TMTC1: variants seen among roughly 807,000 people sequenced by gnomAD.
TMTC1 encodes the protein protein O-mannosyl-transferase TMTC1.
In TMTC1, 73 loss-of-function variants were observed where a neutral mutation model predicts 104.8. That is an observed-to-expected ratio of 0.70 (90% CI 0.58 to 0.85). The LOEUF is 0.85. TMTC1 is among the 40% of genes least tolerant of loss of function. TMTC1 has a pLI of 0.00. For missense variants in TMTC1, 1,035 were observed against 1,096.1 expected (o/e 0.94, Z 0.79); for synonymous variants, 434 against 428.7 (o/e 1.01, Z -0.15).
At chr12:29,691,586 C>A (rs1332053987) in intron 5 of TMTC1, among the ~76,000 whole-genome samples, 1 of 143,766 alleles carries the variant, frequency 7.0e-6, no homozygotes, top group Admixed American at 7.2e-5. Context: ...TCAAACTGAC[C>A]ATTACCGGAA....
At chr12:29,524,425 TTC>T (rs2136169746) in intron 11 of TMTC1, among the ~76,000 whole-genome samples, 1 of 152,300 alleles carries the variant, frequency 6.6e-6, no homozygotes, top group South Asian at 2.1e-4. Flanking sequence ...ACAGATTTTT[TTC>T]TGTTTATCCA....
rs997016336 is a variant in TMTC1 at position 29,666,951 on chromosome 12, A to T, written c.939-33615T>A. 3.9e-5 allele frequency among the ~76,000 whole-genome samples: 6 copies of T among 152,348 alleles called. No individual in the cohort carries two copies. In the South Asian group the frequency reaches 1.2e-3, roughly 32 times the overall value. On this transcript the variant is annotated intron_variant, in intron 5 of 17. Transcript: ENST00000539277. ...TAAAGAGTCACATATTCAGATCAAA[A>T]AAATGTTTTGGAATCAGAGCTTTTT...
intron 5 of TMTC1, among the ~76,000 whole-genome samples, chr12:29,673,744 C>CTTTTTTTTTTTTT (rs146463669): frequency 5.2e-5 from 5 of 95,734 alleles, no homozygotes; most frequent in Non-Finnish European, 9.5e-5. Flanking sequence ...AGAGGGACTT[C>CTTTTTTTTTTTTT]TTTTTTTTTT....
intron 17 of TMTC1, among the ~76,000 whole-genome samples, chr12:29,510,632 G>C (rs1304665805): frequency 6.6e-6 from 1 of 152,074 alleles, no homozygotes; most frequent in Non-Finnish European, 1.5e-5. Context: ...TGTAATCGTA[G>C]GTCATCTTTT....
At chr12:29,602,309 G>T (rs76531008) in intron 7 of TMTC1, among the ~76,000 whole-genome samples, 7,164 of 152,036 alleles carry the variant, frequency 0.047, 585 homozygotes, top group African/African-American at 0.16. Context: ...ATCTGGCTAA[G>T]TTTTTGTTAT....
At chr12:29,610,477 T>C (rs114727195) in intron 6 of TMTC1, among the ~76,000 whole-genome samples, 2,930 of 152,344 alleles carry the variant, frequency 0.019, 109 homozygotes, top group African/African-American at 0.067. Context: ...GCTATGACAA[T>C]GATTAAATGC....
chr12:29,756,415 A>G (rs1943217442), intron 3 of TMTC1, among the ~76,000 whole-genome samples: 1 of 152,246 alleles, frequency 6.6e-6, no homozygotes, highest in South Asian at 2.1e-4. Flanking sequence ...GAAGTGTTTT[A>G]TATGCTTCCA....
intron 5 of TMTC1, among the ~76,000 whole-genome samples, chr12:29,743,855 G>T (rs139035317): frequency 0.024 from 3,618 of 152,282 alleles, 60 homozygotes; most frequent in Non-Finnish European, 0.034. Context: ...AAAGGGCAAA[G>T]ATATCAGCAG....
chr12:29,640,160 A>G (rs1029453260), intron 5 of TMTC1, among the ~76,000 whole-genome samples: 3 of 152,102 alleles, frequency 2.0e-5, no homozygotes, highest in Admixed American at 6.5e-5. Context: ...GAGCCAAGCA[A>G]CTCCGACAAG....
rs1945278881 is a variant in TMTC1 at position 29,557,614 on chromosome 12, T to C, written c.1533-614A>G. 2.0e-5 allele frequency among the ~76,000 whole-genome samples: 3 copies of C among 152,154 alleles called. No individual in the cohort carries two copies. The South Asian group carries it at 6.2e-4, about 32-fold the overall frequency. On this transcript the variant is annotated intron_variant, in intron 9 of 17. Coordinates refer to ENST00000539277, the MANE Select transcript of TMTC1 (RefSeq NM_001193451.2). ...ACAGGCGTCCGCCACCACGCCCAGT[T>C]AATTTTTATATTTTTAGGAGAGACT... is the stretch of plus-strand genomic sequence containing the variant.
intron 5 of TMTC1, among the ~76,000 whole-genome samples, chr12:29,727,887 C>G (rs1942440891): frequency 6.6e-6 from 1 of 152,088 alleles, no homozygotes; most frequent in South Asian, 2.1e-4. Flanking sequence ...AACTCCTGAG[C>G]TCAGCTATCC....
intron 5 of TMTC1, among the ~76,000 whole-genome samples, chr12:29,729,525 G>A (rs892402845): frequency 1.3e-5 from 2 of 152,192 alleles, no homozygotes; most frequent in Admixed American, 6.5e-5. Flanking sequence ...GGTCACCTCA[G>A]GCTGACTGGT....
intron 5 of TMTC1, among the ~76,000 whole-genome samples, chr12:29,738,012 C>G (rs1336455746): frequency 6.6e-6 from 1 of 152,188 alleles, no homozygotes; most frequent in Non-Finnish European, 1.5e-5. Context: ...CCTTTCTTCT[C>G]CAACTGTAGA....
At chr12:29,582,783 A>T (rs1946018106) in intron 8 of TMTC1, among the ~76,000 whole-genome samples, 1 of 152,218 alleles carries the variant, frequency 6.6e-6, no homozygotes, top group South Asian at 2.1e-4. Flanking sequence ...AAGTGAGGAC[A>T]GAAGCTTGGA....
At chr12:29,775,238 T>A (rs1381601780) in intron 1 of TMTC1, among the ~76,000 whole-genome samples, 1 of 152,104 alleles carries the variant, frequency 6.6e-6, no homozygotes, top group African/African-American at 2.4e-5. Flanking sequence ...TTTAAATGTG[T>A]GTTTGGTGTT....
intron 5 of TMTC1, among the ~76,000 whole-genome samples, chr12:29,747,769 C>T (rs987132898): frequency 3.3e-5 from 5 of 152,140 alleles, no homozygotes; most frequent in African/African-American, 1.2e-4. Flanking sequence ...CCATGGTATG[C>T]CAGGCACCAA....
At chr12:29,684,041 G>A (rs906543076) in intron 5 of TMTC1, among the ~76,000 whole-genome samples, 7 of 151,982 alleles carry the variant, frequency 4.6e-5, no homozygotes, top group Non-Finnish European at 8.8e-5. Context: ...ACAGGGTTTC[G>A]CCATTTTGGC....
At chr12:29,742,935 A>T (rs1239685551) in intron 5 of TMTC1, among the ~76,000 whole-genome samples, 1 of 152,254 alleles carries the variant, frequency 6.6e-6, no homozygotes, top group African/African-American at 2.4e-5. Flanking sequence ...TAACACAGCA[A>T]AGAAAAGGTG....
intron 5 of TMTC1, among the ~76,000 whole-genome samples, chr12:29,734,543 A>C (rs1942622620): frequency 4.6e-5 from 7 of 152,202 alleles, no homozygotes. Flanking sequence ...ACAGTTCTAC[A>C]AACCAAACGG....
Sources: gnomAD v4.1 joint callset for allele counts (sites outside exome capture counted in the v4.1 genomes callset) on GRCh38, gnomAD v4.1.1 for gene constraint, MANE v1.5 for transcripts, NCBI Gene and HGNC (gene_info 2026-07-23, HGNC 2026-07-21) for gene names.